The following PDE7B variants were observed in gnomAD, a reference collection of about 807,000 sequenced individuals.
PDE7B encodes the protein phosphodiesterase 7B, also known as 3',5'-cyclic-AMP phosphodiesterase 7B.
In PDE7B, 29 loss-of-function variants were observed where a neutral mutation model predicts 56.2. The observed-to-expected ratio is 0.52, with a 90% CI of 0.38 to 0.70. PDE7B has a LOEUF of 0.70. Ranked by LOEUF, PDE7B falls within the 30% of genes least tolerant of loss-of-function variation. The pLI is 0.00. For synonymous variants in PDE7B, 197 were observed against 196.9 expected, an observed-to-expected ratio of 1.00 and a Z score of 0.00; for missense variants, 490 against 565.0, an observed-to-expected ratio of 0.87 and a Z score of 1.35.
Position 135,947,490 on chromosome 6 carries a change from C to G in PDE7B, c.48C>G (p.Asn16Lys). Reference protein sequence around the residue: ...VERCGEILFENPDQNAKCVCM... With the variant: ...VERCGEILFEKPDQNAKCVCM... ...GGTGTGGCGAAATCTTGTTTGAGAA[C>G]CCCGATCAGAATGCCAAATGTGTTT... is the stretch of plus-strand genomic sequence containing the variant. Residue 16 changes from asparagine (N) to lysine (K), a missense_variant, in exon 2 of 13, where the codon AAC (asparagine) becomes AAG (lysine). Transcript: ENST00000308191. 1 of 1,612,460 alleles carries G rather than the reference C, an allele frequency of 6.2e-7. No individual in the cohort carries two copies. The highest frequency in any genetic ancestry group is 8.5e-7 in the Non-Finnish European group (1 of 1,178,680).
chr6:135,887,635 C>T (rs1212781034), intron 1 of PDE7B, among the ~76,000 whole-genome samples: 1 of 151,996 alleles, frequency 6.6e-6, no homozygotes, highest in African/African-American at 2.4e-5. Context: ...TTAGTAGTTA[C>T]CCAGTATTTA....
chr6:135,995,226 A>C (rs1016334880), intron 2 of PDE7B, among the ~76,000 whole-genome samples: 2 of 134,042 alleles, frequency 1.5e-5, no homozygotes, highest in Admixed American at 1.6e-4. Flanking sequence ...CGCTCCATAC[A>C]TATGTACCAC....
At chr6:136,170,959 G>A (rs547404987) in intron 8 of PDE7B, among the ~76,000 whole-genome samples, 5 of 152,116 alleles carry the variant, frequency 3.3e-5, no homozygotes, top group Non-Finnish European at 7.4e-5. Context: ...TTTTGGAGGG[G>A]ACATTCAAAC....
chr6:135,922,134 G>C (rs1035004696), intron 1 of PDE7B, among the ~76,000 whole-genome samples: 13 of 152,090 alleles, frequency 8.5e-5, no homozygotes, highest in Admixed American at 1.3e-4. Context: ...TCTAACTCCT[G>C]TTTCCTTTTA....
chr6:135,869,770 A>G (rs1775338282), intron 1 of PDE7B, among the ~76,000 whole-genome samples: 1 of 152,216 alleles, frequency 6.6e-6, no homozygotes, highest in Non-Finnish European at 1.5e-5. Flanking sequence ...AGAAAGAGAC[A>G]GCCAAACCTG....
intron 3 of PDE7B, among the ~76,000 whole-genome samples, chr6:136,125,896 C>T (rs1471313939): frequency 6.6e-6 from 1 of 152,056 alleles, no homozygotes; most frequent in African/African-American, 2.4e-5. Context: ...TTTTATAGCA[C>T]ATTTTATAAT....
At chr6:135,891,762 G>A (rs1231174028) in intron 1 of PDE7B, among the ~76,000 whole-genome samples, 1 of 152,152 alleles carries the variant, frequency 6.6e-6, no homozygotes, top group Non-Finnish European at 1.5e-5. Flanking sequence ...GTTCTACCTT[G>A]TCATTATGTA....
At chr6:136,023,643 A>G in intron 2 of PDE7B, among the ~76,000 whole-genome samples, 1 of 151,834 alleles carries the variant, frequency 6.6e-6, no homozygotes, top group East Asian at 1.9e-4. Context: ...CTATTTTTTG[A>G]CTCTATCAGT....
chr6:136,140,643 A>G (rs999055719), intron 3 of PDE7B, among the ~76,000 whole-genome samples: 7 of 151,964 alleles, frequency 4.6e-5, no homozygotes. Flanking sequence ...CTTTTATTTC[A>G]TTGAGCAGTG....
Position 136,179,113 on chromosome 6 carries a change from A to T in PDE7B, c.920A>T (p.Asp307Val), listed in dbSNP as rs1453038886. The change falls in exon 10 of 13, where the codon GAT becomes GTT. Residue 307 changes from aspartate (D) to valine (V), a missense_variant. Asp to Val is a radical substitution (Grantham distance 152, BLOSUM62 -3). Coordinates refer to ENST00000308191, the MANE Select transcript of PDE7B (RefSeq NM_018945.4). ...CACAATAAAGACTTAAGACTGGAGG[A>T]TGCACAGGACAGGCACTTTATGCTT... The part of the protein sequence containing the change: ...HLHNKDLRLE[D>V]AQDRHFMLQI... 9.9e-6 allele frequency: 16 copies of T among 1,614,108 alleles called. No homozygotes were observed. Among genetic ancestry groups the T allele is most frequent in the Non-Finnish European group, 1.3e-5 (15 of 1,179,932 alleles).
chr6:135,983,638 G>A (rs941548799), intron 2 of PDE7B, among the ~76,000 whole-genome samples: 2 of 152,090 alleles, frequency 1.3e-5, no homozygotes, highest in South Asian at 2.1e-4. Context: ...GTCTTTTTGT[G>A]TCTCATACGT....
At chr6:136,181,065 A>G (rs1004692206) in intron 10 of PDE7B, among the ~76,000 whole-genome samples, 162 bp from the exon 11 acceptor site, 2 of 152,220 alleles carry the variant, frequency 1.3e-5, no homozygotes, top group African/African-American at 4.8e-5. Context: ...ATCATGGTGA[A>G]TAAGTGCAGT....
intron 9 of PDE7B, among the ~76,000 whole-genome samples, chr6:136,178,035 T>C (rs1262874523): frequency 6.6e-6 from 1 of 152,220 alleles, no homozygotes; most frequent in African/African-American, 2.4e-5. Context: ...ATACATACCA[T>C]ATAACTTAAA....
chr6:136,143,579 T>C (rs1216683985), intron 3 of PDE7B, among the ~76,000 whole-genome samples: 1 of 152,120 alleles, frequency 6.6e-6, no homozygotes, highest in Non-Finnish European at 1.5e-5. Flanking sequence ...TTCTGTCATG[T>C]TGCTGAACTA....
chr6:136,110,122 T>C lies in PDE7B; in HGVS notation c.166+1308T>C, dbSNP rs149122029. Among the ~76,000 whole-genome samples, 885 of 152,276 alleles carry C rather than the reference T, an allele frequency of 5.8e-3. 10 individuals carry two copies. The highest frequency in any genetic ancestry group is 0.02 in the African/African-American group (845 of 41,528). On this transcript the variant is annotated intron_variant, in intron 3 of 12. Transcript: ENST00000308191. ...ATCAATGTGCAATGTCTGTTTTTTTTAGCACTTTCAGGGACACAGAGACTT... is the reference window on the plus strand; with the variant it reads ...ATCAATGTGCAATGTCTGTTTTTTTCAGCACTTTCAGGGACACAGAGACTT...
At chr6:136,088,828 T>A (rs1323608066) in intron 2 of PDE7B, among the ~76,000 whole-genome samples, 1 of 151,756 alleles carries the variant, frequency 6.6e-6, no homozygotes, top group Non-Finnish European at 1.5e-5. Context: ...GTGAATTGTG[T>A]GGTATGTAAA....
intron 2 of PDE7B, among the ~76,000 whole-genome samples, chr6:136,014,596 C>A (rs1775944742): frequency 6.6e-6 from 1 of 152,158 alleles, no homozygotes; most frequent in Non-Finnish European, 1.5e-5. Flanking sequence ...AGTTTTAAAG[C>A]ACCTCTATGA....
In PDE7B at chr6:136,187,094, T is replaced by G; in HGVS notation, c.1104T>G (p.Asp368Glu). The change falls in exon 12 of 13, where the codon GAT (aspartate) becomes GAG (glutamate). Residue 368 changes from aspartate (D) to glutamate (E), a missense_variant. Coordinates refer to ENST00000308191, the MANE Select transcript of PDE7B (RefSeq NM_018945.4). The part of the protein sequence containing the change: ...EISPLCNQQK[D>E]SIPSIQIGFM... ...GTCCTCTTTGTAATCAACAGAAAGATTCCATCCCTAGTATACAAATTGGTG... is the reference window on the plus strand; with the variant it reads ...GTCCTCTTTGTAATCAACAGAAAGAGTCCATCCCTAGTATACAAATTGGTG... The G allele has an allele frequency of 6.4e-7, 1 of 1,571,076 alleles. No individual in the cohort carries two copies. Among genetic ancestry groups the G allele is most frequent in the African/African-American group, 1.3e-5 (1 of 74,200 alleles).
At chr6:136,125,346 G>T (rs1778005062) in intron 3 of PDE7B, among the ~76,000 whole-genome samples, 1 of 152,170 alleles carries the variant, frequency 6.6e-6, no homozygotes, top group South Asian at 2.1e-4. Context: ...GGCCAAGGCA[G>T]GAGGATCGCT....
Sources: gnomAD v4.1 joint callset for allele counts (sites outside exome capture counted in the v4.1 genomes callset) on GRCh38, gnomAD v4.1.1 for gene constraint, MANE v1.5 for transcripts, NCBI Gene and HGNC (gene_info 2026-07-23, HGNC 2026-07-21) for gene names.